GLIS1: variants seen among roughly 807,000 people sequenced by gnomAD.
The protein encoded by GLIS1 is GLIS family zinc finger 1.
Under a neutral mutation model 63.8 loss-of-function variants are expected in GLIS1, and 24 were observed. The ratio of observed to expected loss-of-function variants is 0.38; its 90% CI spans 0.27 to 0.53. The LOEUF is 0.53. Ranked by LOEUF, GLIS1 falls within the 20% of genes least tolerant of loss-of-function variation. GLIS1 has a pLI of 0.85. For missense variants in GLIS1, 1,036 were observed against 1,074.1 expected (o/e 0.96, Z 0.50); for synonymous variants, 450 against 482.5 (o/e 0.93, Z 0.88).
Position 53,509,186 on chromosome 1 carries a change from T to C in GLIS1, c.2164A>G (p.Thr722Ala). The change falls in exon 10 of 11, where the codon ACC (threonine) becomes GCC (alanine). Residue 722 changes from threonine (T) to alanine (A), a missense_variant. Around this residue, in one of 3 missense-constraint regions of GLIS1, gnomAD observed 400 missense variants for 400.9 expected, o/e 1.00. Coordinates refer to ENST00000628545, the MANE Select transcript of GLIS1 (RefSeq NM_001367484.1). Reference sequence around the variant, plus strand: ...GGCCGCAGGGGGTTGAAACCGTGGGTCTCCCCGACCAGTCCGTCCCCACCG... The same window carrying C: ...GGCCGCAGGGGGTTGAAACCGTGGGCCTCCCCGACCAGTCCGTCCCCACCG... Reference protein sequence around the residue: ...AAGGDGLVGETHGFNPLRPNG... With the variant: ...AAGGDGLVGEAHGFNPLRPNG... 3.7e-6 allele frequency: 6 copies of C among 1,600,612 alleles called. No homozygotes were observed. The highest frequency in any genetic ancestry group is 5.1e-6 in the Non-Finnish European group (6 of 1,174,306).
Position 53,535,325 on chromosome 1 carries a change from G to C in GLIS1, c.1321-5373C>G, listed in dbSNP as rs1205659650. Among the ~76,000 whole-genome samples, 3 of 152,084 alleles carry C rather than the reference G, an allele frequency of 2.0e-5. 1 individual carries two copies. The highest frequency in any genetic ancestry group is 7.3e-5 in the African/African-American group (3 of 41,328). ...GGACCACCCCAGGTCACGCAGGGCT[G>C]ATGCCCTGGGTCTGAGCTGTCACTG... On this transcript the variant is annotated intron_variant, in intron 4 of 10. Transcript: ENST00000628545.
At chr1:53,509,784 T>C (rs1644279577) in intron 9 of GLIS1, 65 bp downstream of exon 9, 4 of 1,020,184 alleles carry the variant, frequency 3.9e-6, no homozygotes, top group Admixed American at 8.1e-5. Context: ...TGTCTCCTCG[T>C]TCCTCTGGGG....
chr1:53,614,571 A>G (rs4927016), intron 2 of GLIS1, among the ~76,000 whole-genome samples: 26,355 of 152,214 alleles, frequency 0.17, 2,522 homozygotes, highest in Non-Finnish European at 0.22. Flanking sequence ...AAAGCAGGGC[A>G]CAACCAGACT....
At chr1:53,630,662 A>G (rs1454919836) in intron 2 of GLIS1, among the ~76,000 whole-genome samples, 1 of 151,956 alleles carries the variant, frequency 6.6e-6, no homozygotes, top group Non-Finnish European at 1.5e-5. Context: ...TGGCTCGCTA[A>G]TTTTTTGTAT....
intron 2 of GLIS1, among the ~76,000 whole-genome samples, chr1:53,632,285 TGAG>T (rs777028581): frequency 1.5e-4 from 21 of 137,674 alleles, no homozygotes; most frequent in East Asian, 1.1e-3. Flanking sequence ...TGAGTGTGAC[TGAG>T]GAGAAGGGAG....
intron 2 of GLIS1, among the ~76,000 whole-genome samples, chr1:53,684,265 C>T (rs999238974): frequency 6.6e-5 from 10 of 152,094 alleles, no homozygotes; most frequent in African/African-American, 2.4e-4. Flanking sequence ...CTCAGGGCCT[C>T]CCCAGAACTC....
At chr1:53,698,588 G>A (rs886865723) in intron 2 of GLIS1, among the ~76,000 whole-genome samples, 1 of 152,210 alleles carries the variant, frequency 6.6e-6, no homozygotes, top group African/African-American at 2.4e-5. Flanking sequence ...TGTGAGCACA[G>A]AACACCAGCC....
At chr1:53,512,917 G>A (rs903287857) in intron 8 of GLIS1, among the ~76,000 whole-genome samples, 4 of 152,150 alleles carry the variant, frequency 2.6e-5, no homozygotes, top group Non-Finnish European at 5.9e-5. Flanking sequence ...GACCATCGTA[G>A]TAGAGCCTGT....
At chr1:53,739,014 TGCCGGGGTTCGAGCGTC>T in intron 1 of GLIS1, among the ~76,000 whole-genome samples, 74 bp downstream of exon 1, 1 of 152,110 alleles carries the variant, frequency 6.6e-6, no homozygotes, top group South Asian at 2.1e-4. Context: ...ATCCCCAAGC[TGCCGGGGTTCGAGCGTC>T]GCCGGGACGC....
At chr1:53,530,638 C>T (rs1644520553) in intron 4 of GLIS1, among the ~76,000 whole-genome samples, 1 of 152,212 alleles carries the variant, frequency 6.6e-6, no homozygotes, top group Non-Finnish European at 1.5e-5. Flanking sequence ...ACCCAATGCC[C>T]TAGATCAACA....
In GLIS1 at chr1:53,732,178, C is replaced by T. The variant is rs1646868145; in HGVS notation, c.259+5628G>A. On this transcript the variant is annotated intron_variant, in intron 2 of 10. Coordinates refer to ENST00000628545, the MANE Select transcript of GLIS1 (RefSeq NM_001367484.1). ...ACACAGCTCGTAATGCTAACACGAT[C>T]CGCCTCGATCCACCGGAAACCTACT... 2.0e-5 allele frequency among the ~76,000 whole-genome samples: 3 copies of T among 152,220 alleles called. No homozygotes were observed. The South Asian group carries it at 6.2e-4, about 31-fold the overall frequency.
At chr1:53,644,142 T>C (rs1645817152) in intron 2 of GLIS1, among the ~76,000 whole-genome samples, 1 of 152,188 alleles carries the variant, frequency 6.6e-6, no homozygotes, top group Non-Finnish European at 1.5e-5. Flanking sequence ...GATTTGCCTC[T>C]TTCTCTCTGT....
intron 4 of GLIS1, among the ~76,000 whole-genome samples, chr1:53,550,913 C>T (rs573239774): frequency 6.4e-4 from 98 of 152,208 alleles, no homozygotes; most frequent in Admixed American, 5.9e-4. Flanking sequence ...TGCAATGGCG[C>T]GATCTCGGCT....
chr1:53,691,669 C>T (rs1209217180), intron 2 of GLIS1, among the ~76,000 whole-genome samples: 2 of 152,200 alleles, frequency 1.3e-5, no homozygotes, highest in African/African-American at 4.8e-5. Flanking sequence ...ACTCAGCCAG[C>T]ATCAAATCAT....
chr1:53,629,857 G>T lies in GLIS1; in HGVS notation c.260-29579C>A, dbSNP rs571947372. 4.6e-5 allele frequency among the ~76,000 whole-genome samples: 7 copies of T among 152,286 alleles called. No individual in the cohort carries two copies. The East Asian group carries it at 1.4e-3, about 29-fold the overall frequency. The stretch of plus-strand genomic sequence containing the variant: ...CTTGACCATTCCTGCACACATGCAG[G>T]CCTTGAGAAGGCCACCCTAGGCCAT... On this transcript the variant is annotated intron_variant, in intron 2 of 10. Transcript: ENST00000628545.
In GLIS1 at chr1:53,738,104, C is replaced by A. The variant is rs1050109082; in HGVS notation, c.-40G>T. On this transcript the variant is annotated splice_region_variant and 5_prime_UTR_variant, in exon 2 of 11. Transcript: ENST00000628545. ...GCGCACGGCTGGGGGTCGCGCCGGG[C>A]TCCTGGGGAGGGGAGACAGCACAGC... 4 of 1,226,734 alleles carry A rather than the reference C, an allele frequency of 3.3e-6. No individual in the cohort carries two copies. The East Asian group carries it at 9.5e-5, about 29-fold the overall frequency. 76.0% of individuals were successfully genotyped at this position (1,226,734 alleles called of 1,614,324 possible).
chr1:53,556,570 GTGTGTATGCAGGTGTACTGTAGGTT>G (rs1644832120), intron 4 of GLIS1, among the ~76,000 whole-genome samples: 2 of 144,698 alleles, frequency 1.4e-5, no homozygotes, highest in African/African-American at 2.6e-5. Flanking sequence ...CTGCAGGGGT[GTGTGTATGCAGGTGTACTGTAGGTT>G]TGTGTGTGTG....
At chr1:53,638,276 G>C (rs990936503) in intron 2 of GLIS1, among the ~76,000 whole-genome samples, 1 of 152,168 alleles carries the variant, frequency 6.6e-6, no homozygotes, top group African/African-American at 2.4e-5. Context: ...CCACAGGCCC[G>C]CATGGTGCTG....
At chr1:53,666,495 C>CA (rs1646092686) in intron 2 of GLIS1, among the ~76,000 whole-genome samples, 1 of 152,150 alleles carries the variant, frequency 6.6e-6, no homozygotes, top group South Asian at 2.1e-4. Flanking sequence ...CAGTGGCTGA[C>CA]AAAGAGCCCA....
Sources: allele counts gnomAD v4.1 joint callset (sites outside exome capture counted in the v4.1 genomes callset), GRCh38; gene constraint gnomAD v4.1.1; regional missense constraint gnomAD v4.1.1; transcripts MANE v1.5; gene names NCBI Gene and HGNC (gene_info 2026-07-23, HGNC 2026-07-21).